The following BRCA1 variants were observed in gnomAD, a reference collection of about 807,000 sequenced individuals.
BRCA1 encodes BRCA1 DNA repair associated, also known as breast cancer type 1 susceptibility protein.
A neutral mutation model predicts 173.7 loss-of-function variants in BRCA1; 140 were observed. The observed-to-expected ratio is 0.81, with a 90% CI of 0.70 to 0.93. BRCA1 has a LOEUF of 0.93. Ranked by LOEUF, BRCA1 falls within the 40% of genes least tolerant of loss-of-function variation. BRCA1 has a pLI of 0.00. For synonymous variants in BRCA1, 662 were observed against 756.0 expected, an observed-to-expected ratio of 0.88 and a Z score of 2.04; for missense variants, 1,983 against 2,172.5, an observed-to-expected ratio of 0.91 and a Z score of 1.73.
chr17:43,093,682 TAGA>T lies in BRCA1; in HGVS notation c.1846_1848del (p.Ser616del), dbSNP rs80358329. ...AGTTCAAGCGCATGAATATGCCTGG[TAGA>T]AGACTTCCTCCTCAGCCTATTCTTT... On this transcript the variant is annotated inframe_deletion, in exon 10 of 23. Transcript: ENST00000357654. 342 of 1,614,142 alleles carry T rather than the reference TAGA, an allele frequency of 2.1e-4. 1 individual carries two copies. In the African/African-American group the frequency reaches 3.9e-3, roughly 18 times the overall value.
At chr17:43,090,547 G>C (rs946233021) in intron 11 of BRCA1, among the ~76,000 whole-genome samples, 2 of 152,116 alleles carry the variant, frequency 1.3e-5, no homozygotes, top group Admixed American at 1.3e-4. Context: ...GCTAATTTTT[G>C]TATTTTTAGT....
At chr17:43,127,437 A>C (rs1158703419), upstream of BRCA1, among the ~76,000 whole-genome samples, 1 of 152,168 alleles carries the variant, frequency 6.6e-6, no homozygotes, top group African/African-American at 2.4e-5. Context: ...TAAATGCACC[A>C]ATCAGTGCTC....
At chr17:43,143,810 A>G (rs566440096) in intron 1 of BRCA1, among the ~76,000 whole-genome samples, 1 of 152,302 alleles carries the variant, frequency 6.6e-6, no homozygotes, top group South Asian at 2.1e-4. Context: ...TCTGAAATAC[A>G]GTCCCGCAGA....
chr17:43,152,817 T>C (rs955928706), intron 1 of BRCA1, among the ~76,000 whole-genome samples: 1 of 151,924 alleles, frequency 6.6e-6, no homozygotes. Context: ...ATTGCGCCAC[T>C]GTACTCCAGC....
At chr17:43,145,415 C>T (rs1161766668) in intron 1 of BRCA1, among the ~76,000 whole-genome samples, 1 of 151,540 alleles carries the variant, frequency 6.6e-6, no homozygotes, top group Non-Finnish European at 1.5e-5. Flanking sequence ...CAAGCTCCGC[C>T]TCCCGGGTTC....
Position 43,055,445 on chromosome 17 carries a change from C to A in BRCA1, c.5277+1607G>T, listed in dbSNP as rs62076408. On this transcript the variant is annotated intron_variant, in intron 19 of 22. Transcript: ENST00000357654. ...GGTGGATCACTGGAGGCCAGGAGAT[C>A]AAGGCCAGCCTGGCCAACATGGCAA... 0.044 allele frequency among the ~76,000 whole-genome samples: 6,607 copies of A among 150,878 alleles called. 189 individuals carry two copies. Among genetic ancestry groups the A allele is most frequent in the Non-Finnish European group, 0.063 (4,251 of 67,694 alleles).
intron 11 of BRCA1, among the ~76,000 whole-genome samples, chr17:43,083,934 G>A (rs1233997629): frequency 1.3e-5 from 2 of 152,002 alleles, no homozygotes; most frequent in Non-Finnish European, 2.9e-5. Context: ...TGCGATCTTG[G>A]CTCACTGCAA....
intron 4 of BRCA1, among the ~76,000 whole-genome samples, chr17:43,106,190 C>T (rs753629344): frequency 6.6e-6 from 1 of 151,552 alleles, no homozygotes; most frequent in Admixed American, 6.6e-5. Context: ...AATGGGGGCA[C>T]GGCGATACAG....
chr17:43,121,683 C>CAAAAAAAAAAAAAAAAAAAAAAAAAAAA (rs71160013), intron 2 of BRCA1, among the ~76,000 whole-genome samples: 1 of 32,898 alleles, frequency 3.0e-5, no homozygotes, highest in African/African-American at 1.4e-4. Context: ...AAGTCTGTCT[C>CAAAAAAAAAAAAAAAAAAAAAAAAAAAA]AAAAAAAAAA....
intron 1 of BRCA1, among the ~76,000 whole-genome samples, chr17:43,149,905 C>T (rs1238282114): frequency 6.6e-6 from 1 of 151,964 alleles, no homozygotes; most frequent in African/African-American, 2.4e-5. Context: ...TCTCCTGCCT[C>T]AACCACCCGA....
At chr17:43,049,012 A>G in intron 21 of BRCA1, 109 bp downstream of exon 21, 1 of 1,049,332 alleles carries the variant, frequency 9.5e-7, no homozygotes, top group South Asian at 1.3e-5. Flanking sequence ...TGGGCAGAGA[A>G]GACTTCTGAG....
At chr17:43,168,455 C>T (rs1449624313) in intron 1 of BRCA1, among the ~76,000 whole-genome samples, 3 of 152,182 alleles carry the variant, frequency 2.0e-5, no homozygotes, top group East Asian at 1.9e-4. Flanking sequence ...CTGACCAATA[C>T]GGAGAAACCT....
At chr17:43,076,722 A>G (rs2052753368) in intron 12 of BRCA1, 108 bp from the exon 13 acceptor site, 1 of 1,402,294 alleles carries the variant, frequency 7.1e-7, no homozygotes, top group Non-Finnish European at 9.9e-7. Flanking sequence ...TGATACACAA[A>G]TTGGTTTTTA....
At chr17:43,057,808 C>A (rs2051571339) in intron 18 of BRCA1, among the ~76,000 whole-genome samples, 1 of 151,612 alleles carries the variant, frequency 6.6e-6, no homozygotes, top group Non-Finnish European at 1.5e-5. Context: ...TGCACTCCAG[C>A]CTGGGCAACT....
chr17:43,129,517 T>C (rs1220739528), upstream of BRCA1, among the ~76,000 whole-genome samples: 3 of 152,152 alleles, frequency 2.0e-5, no homozygotes, highest in African/African-American at 2.4e-5. Flanking sequence ...TCGCCCAGCC[T>C]GAAGTGCAGT....
chr17:43,152,876 T>TA (rs137919429), intron 1 of BRCA1, among the ~76,000 whole-genome samples: 3,605 of 147,464 alleles, frequency 0.024, 152 homozygotes, highest in African/African-American at 0.086. Context: ...AATAAAAAAA[T>TA]AAAAAAAAAT....
In BRCA1 at chr17:43,121,520, A is replaced by C. The variant is rs36086436; in HGVS notation, c.80+2497T>G. ...ACCAATATGGAGAAACCCTGTCTCTACTAAAAATACAAAATTAGCTGGTGT... is the reference window on the plus strand; with the variant it reads ...ACCAATATGGAGAAACCCTGTCTCTCCTAAAAATACAAAATTAGCTGGTGT... On this transcript the variant is annotated intron_variant, in intron 2 of 22. Coordinates refer to ENST00000357654, the MANE Select transcript of BRCA1 (RefSeq NM_007294.4). Among the ~76,000 whole-genome samples, 47,883 of 151,554 alleles carry C rather than the reference A, an allele frequency of 0.32. 7,901 individuals carry two copies. The highest frequency in any genetic ancestry group is 0.49 in the South Asian group (2,362 of 4,800).
rs139237482 is a variant in BRCA1 at position 43,046,931 on chromosome 17, G to C, written c.5467+712C>G. ...AACAGCACTGTAATTTAACGATGTG[G>C]AAAAATGTATGTAATATCTTAAGGA... On this transcript the variant is annotated intron_variant, in intron 22 of 22. Transcript: ENST00000357654. Among the ~76,000 whole-genome samples the C allele has an allele frequency of 2.7e-3, 415 of 152,122 alleles. 1 individual carries two copies. The highest frequency in any genetic ancestry group is 9.4e-3 in the African/African-American group (389 of 41,494).
At chr17:43,046,190 T>C (rs1385225041) in intron 22 of BRCA1, among the ~76,000 whole-genome samples, 3 of 148,422 alleles carry the variant, frequency 2.0e-5, no homozygotes, top group Non-Finnish European at 4.4e-5. Flanking sequence ...CCCAAAGTGC[T>C]GGGATTACAG....
Sources: allele counts gnomAD v4.1 joint callset (sites outside exome capture counted in the v4.1 genomes callset), GRCh38; gene constraint gnomAD v4.1.1; transcripts MANE v1.5; gene names NCBI Gene and HGNC (gene_info 2026-07-23, HGNC 2026-07-21).